Variants in DIAPH2 observed in about 807,000 individuals in gnomAD.
DIAPH2 encodes diaphanous related formin 2.
Under a neutral mutation model 92.7 loss-of-function variants are expected in DIAPH2, and 35 were observed. The ratio of observed to expected loss-of-function variants is 0.38; its 90% CI spans 0.29 to 0.50. DIAPH2 has a LOEUF of 0.50. Ranked by LOEUF, DIAPH2 falls within the 20% of genes least tolerant of loss-of-function variation. The probability of loss-of-function intolerance (pLI) is 0.94; values close to 1 mark genes in which losing one functional copy is unlikely to be tolerated. For synonymous variants in DIAPH2, 301 were observed against 280.4 expected, an observed-to-expected ratio of 1.07 and a Z score of -0.73; for missense variants, 701 against 819.5, an observed-to-expected ratio of 0.86 and a Z score of 1.77.
chrX:97,520,303 T>G (rs774422097), intron 26 of DIAPH2, among the ~76,000 whole-genome samples: 2 of 112,399 alleles, frequency 1.8e-5, no homozygotes, highest in Non-Finnish European at 3.8e-5. Context: ...AAATGTTTTA[T>G]CATATTTTTC....
Position 97,154,502 on chromosome X carries a change from C to G in DIAPH2, c.2719+12708C>G, listed in dbSNP as rs1055083583. Among the ~76,000 whole-genome samples the G allele has an allele frequency of 3.6e-5, 4 of 111,493 alleles. No homozygotes were observed. In the South Asian group the frequency reaches 1.5e-3, roughly 43 times the overall value. ...ATCTAATCACATCATATAAATACTG[C>G]TTTGTTCTAAAACTTCAGTAAACTC... On this transcript the variant is annotated intron_variant, in intron 22 of 26. Transcript: ENST00000324765.
intron 22 of DIAPH2, among the ~76,000 whole-genome samples, chrX:97,194,574 GCA>G (rs1204918605): frequency 1.8e-5 from 2 of 111,445 alleles, no homozygotes; most frequent in East Asian, 2.8e-4. Context: ...GTGAACCACT[GCA>G]CCCGGCCCCT....
chrX:97,071,618 T>C (rs1433341284), intron 17 of DIAPH2, among the ~76,000 whole-genome samples: 1 of 111,711 alleles, frequency 9.0e-6, no homozygotes, highest in Non-Finnish European at 1.9e-5. Flanking sequence ...GGTATTTCTG[T>C]AGCATGCTCA....
At chrX:97,036,982 T>A (rs1044740241) in intron 17 of DIAPH2, among the ~76,000 whole-genome samples, 14 of 111,452 alleles carry the variant, frequency 1.3e-4, no homozygotes, top group Non-Finnish European at 1.9e-4. Context: ...CCTTGTAAGA[T>A]ATAGGTACTA....
At position 97,418,600 on chromosome X, in the gene DIAPH2, C is replaced by T. The variant is rs562817288; in HGVS notation, c.3146-11050C>T. ...TTTCCCTCTCACCTTCCTGATTAGG[C>T]TTGTGTTTGTGTGTCTTATGAAGAT... On this transcript the variant is annotated intron_variant, in intron 25 of 26. Coordinates refer to ENST00000324765, the MANE Select transcript of DIAPH2 (RefSeq NM_006729.5). Among the ~76,000 whole-genome samples the T allele has an allele frequency of 5.1e-4, 57 of 111,756 alleles. No homozygotes were observed. The South Asian group carries it at 0.02, about 39-fold the overall frequency.
At chrX:96,801,899 G>A (rs1003669074) in intron 4 of DIAPH2, among the ~76,000 whole-genome samples, 1 of 111,246 alleles carries the variant, frequency 9.0e-6, no homozygotes, top group African/African-American at 3.3e-5. Flanking sequence ...TTATTGAAGG[G>A]ATACATACAC....
intron 25 of DIAPH2, among the ~76,000 whole-genome samples, chrX:97,416,394 C>T (rs1243116732): frequency 8.9e-6 from 1 of 112,170 alleles, no homozygotes; most frequent in African/African-American, 3.2e-5. Flanking sequence ...CCTACTTTGG[C>T]TGCTCTACTT....
At chrX:97,465,989 C>T (rs2070509238) in intron 26 of DIAPH2, among the ~76,000 whole-genome samples, 1 of 111,855 alleles carries the variant, frequency 8.9e-6, no homozygotes, top group Non-Finnish European at 1.9e-5. Context: ...CGCTTGGTCC[C>T]AGCCAGAATT....
chrX:97,193,984 G>C (rs925905721), intron 22 of DIAPH2, among the ~76,000 whole-genome samples: 2 of 110,689 alleles, frequency 1.8e-5, no homozygotes, highest in African/African-American at 6.6e-5. Context: ...ACATTGTCAG[G>C]CTTTGTTTTT....
At chrX:96,945,614 A>G (rs1401907064) in intron 14 of DIAPH2, 23 bp downstream of exon 14, 10 of 1,056,121 alleles carry the variant, frequency 9.5e-6, no homozygotes, top group Non-Finnish European at 1.3e-5. Flanking sequence ...AATATTAGCC[A>G]TAATCGTTAG....
intron 26 of DIAPH2, among the ~76,000 whole-genome samples, chrX:97,578,065 C>T (rs909750859): frequency 4.9e-4 from 46 of 93,349 alleles, no homozygotes; most frequent in African/African-American, 1.6e-3. Flanking sequence ...CTGGGGAGTA[C>T]GGTCTCTTTG....
intron 22 of DIAPH2, among the ~76,000 whole-genome samples, chrX:97,157,183 G>A (rs1364674185): frequency 2.7e-5 from 3 of 110,383 alleles, no homozygotes; most frequent in East Asian, 2.9e-4. Flanking sequence ...GCATGGTGAC[G>A]CATGCCTGTA....
chrX:96,712,243 C>T (rs2063922856), intron 1 of DIAPH2, among the ~76,000 whole-genome samples: 1 of 111,277 alleles, frequency 9.0e-6, no homozygotes, highest in South Asian at 3.8e-4. Flanking sequence ...ATGTTTTATT[C>T]TCTGAAAAAC....
intron 19 of DIAPH2, among the ~76,000 whole-genome samples, chrX:97,080,210 T>C (rs556590527): frequency 1.8e-5 from 2 of 109,117 alleles, no homozygotes; most frequent in South Asian, 8.3e-4. Context: ...TACTTTCTCT[T>C]ACATTCTTTT....
intron 4 of DIAPH2, among the ~76,000 whole-genome samples, chrX:96,774,654 C>A: frequency 2.7e-5 from 3 of 112,008 alleles, no homozygotes; most frequent in African/African-American, 9.7e-5. Context: ...TAATTCTAAG[C>A]CATTTTTCCT....
chrX:97,568,875 A>G (rs2071345675), intron 26 of DIAPH2, among the ~76,000 whole-genome samples: 1 of 112,113 alleles, frequency 8.9e-6, no homozygotes, highest in Non-Finnish European at 1.9e-5. Flanking sequence ...AGTGAATGGT[A>G]TTTTATAGCA....
intron 3 of DIAPH2, among the ~76,000 whole-genome samples, chrX:96,745,430 G>T (rs1347550749): frequency 2.7e-5 from 3 of 111,839 alleles, no homozygotes; most frequent in Non-Finnish European, 5.6e-5. Flanking sequence ...ATGATGTATT[G>T]GTGAAACTTT....
intron 17 of DIAPH2, among the ~76,000 whole-genome samples, chrX:97,040,025 A>ATG (rs768294745): frequency 6.1e-4 from 68 of 111,330 alleles, no homozygotes; most frequent in African/African-American, 2.2e-3. Context: ...GATCTCATTT[A>ATG]CACATTTAAT....
chrX:97,383,613 G>A (rs2069571187), intron 24 of DIAPH2, among the ~76,000 whole-genome samples: 1 of 105,385 alleles, frequency 9.5e-6, no homozygotes, highest in African/African-American at 3.5e-5. Flanking sequence ...CCTAGATAAT[G>A]GCAATTGAAG....
Sources: allele counts gnomAD v4.1 joint callset (sites outside exome capture counted in the v4.1 genomes callset), GRCh38; gene constraint gnomAD v4.1.1; transcripts MANE v1.5; gene names NCBI Gene and HGNC (gene_info 2026-07-23, HGNC 2026-07-21).